The following CDH19 variants were observed in gnomAD, a reference collection of about 807,000 sequenced individuals.
The protein encoded by CDH19 is cadherin 19, also known as cadherin-19.
Under a neutral mutation model 64.2 loss-of-function variants are expected in CDH19, and 67 were observed. The observed-to-expected ratio is 1.04, with a 90% CI of 0.86 to 1.28. The LOEUF is 1.28. Ranked by LOEUF, CDH19 falls within the 50% of genes most tolerant of loss-of-function variation. The probability of loss-of-function intolerance (pLI) is 0.00; values close to 1 mark genes in which losing one functional copy is unlikely to be tolerated. For synonymous variants in CDH19, 346 were observed against 319.3 expected, an observed-to-expected ratio of 1.08 and a Z score of -0.89; for missense variants, 1,030 against 929.0, an observed-to-expected ratio of 1.11 and a Z score of -1.41.
At chr18:66,527,711 G>A (rs1367689540) in intron 9 of CDH19, among the ~76,000 whole-genome samples, 1 of 151,820 alleles carries the variant, frequency 6.6e-6, no homozygotes, top group African/African-American at 2.4e-5. Flanking sequence ...CCAAGATCAC[G>A]CCACTTCACT....
chr18:66,551,475 C>T (rs1486442827), intron 4 of CDH19, among the ~76,000 whole-genome samples: 3 of 151,584 alleles, frequency 2.0e-5, no homozygotes, highest in Admixed American at 6.6e-5. Context: ...ACTGGTAGGC[C>T]CTTAATAAAA....
chr18:66,526,983 A>C (rs1986244554), intron 9 of CDH19, among the ~76,000 whole-genome samples: 1 of 151,792 alleles, frequency 6.6e-6, no homozygotes, highest in South Asian at 2.1e-4. Context: ...AGATAATTTC[A>C]AAATCAGGGA....
chr18:66,506,504 G>A (rs749890108), intron 11 of CDH19, among the ~76,000 whole-genome samples: 57 of 152,036 alleles, frequency 3.7e-4, no homozygotes, highest in Non-Finnish European at 7.2e-4. Flanking sequence ...TTCAGAGCCT[G>A]TTTTCTGTGA....
At chr18:66,529,807 A>G in intron 9 of CDH19, 38 bp downstream of exon 9, 1 of 1,335,538 alleles carries the variant, frequency 7.5e-7, no homozygotes, top group Non-Finnish European at 1.0e-6. Flanking sequence ...AAACAATGAT[A>G]TATTGTTTAG....
In CDH19 at chr18:66,543,978, G is replaced by C; in HGVS notation, c.1207C>G (p.Pro403Ala). 1 of 1,610,976 alleles carries C rather than the reference G, an allele frequency of 6.2e-7. No homozygotes were observed. The highest frequency in any genetic ancestry group is 8.5e-7 in the Non-Finnish European group (1 of 1,178,054). ...CTGACCTTACAGACATACCTGATAG[G>C]AGATTTCCTATTGTCTGGGTCTGTG... ...SATDPDNRKSPIRYSITRSKV... is the reference protein window; with the variant it reads ...SATDPDNRKSAIRYSITRSKV... Residue 403 changes from proline (P) to alanine (A), a missense_variant, in exon 7 of 12, where the codon CCT (proline) becomes GCT (alanine). Physicochemically the swap from Pro to Ala is conservative, Grantham distance 27. Coordinates refer to ENST00000262150, the MANE Select transcript of CDH19 (RefSeq NM_021153.4).
Position 66,572,258 on chromosome 18 carries a change from C to G in CDH19, c.-54G>C. ...ACTCTTCAGAGGAAACAGGACGTCA[C>G]TAACAAAAATCTTGCTTTCTTTTAT... is the stretch of plus-strand genomic sequence containing the variant. On this transcript the variant is annotated 5_prime_UTR_variant, in exon 2 of 12. Transcript: ENST00000262150. 7.1e-7 allele frequency: 1 copy of G among 1,405,090 alleles called. No homozygotes were observed. Among genetic ancestry groups the G allele is most frequent in the East Asian group, 2.3e-5 (1 of 43,162 alleles). The allele number at this position is 1,405,090 out of a possible 1,614,324, so 87.0% of individuals were successfully genotyped here.
rs533652186 is a variant in CDH19 at position 66,505,060 on chromosome 18, C to T, written c.2071G>A (p.Asp691Asn). ...LYRQSLQVGPDSAIFRKFILE... is the reference protein window; with the variant it reads ...LYRQSLQVGPNSAIFRKFILE... ...ATGAATTTCCTGAATATGGCACTGTCGGGGCCAACTTGCAAAGACTGCCTG... is the reference window on the plus strand; with the variant it reads ...ATGAATTTCCTGAATATGGCACTGTTGGGGCCAACTTGCAAAGACTGCCTG... The change falls in exon 12 of 12, where the codon GAC (aspartate) becomes AAC (asparagine). Residue 691 changes from aspartate (D) to asparagine (N), a missense_variant. By Grantham distance (23) the Asp-to-Asn change is conservative. Transcript: ENST00000262150. 5.6e-6 allele frequency: 9 copies of T among 1,613,682 alleles called. No individual in the cohort carries two copies. Among genetic ancestry groups the T allele is most frequent in the South Asian group, 2.2e-5 (2 of 91,070 alleles).
At chr18:66,523,121 A>C (rs1986065472) in intron 9 of CDH19, among the ~76,000 whole-genome samples, 1 of 152,174 alleles carries the variant, frequency 6.6e-6, no homozygotes, top group Non-Finnish European at 1.5e-5. Context: ...TGACAATTCC[A>C]TCTGTATTTT....
At position 66,504,162 on chromosome 18, in the gene CDH19, G is replaced by A. The variant is rs1985064810; in HGVS notation, c.*650C>T. Reference sequence around the variant, plus strand: ...CATATGCCAGAGCTGGTTTTATAAGGCTTTTATTCATACAAAAGTTCTGTG... The same window carrying A: ...CATATGCCAGAGCTGGTTTTATAAGACTTTTATTCATACAAAAGTTCTGTG... On this transcript the variant is annotated 3_prime_UTR_variant, in exon 12 of 12. Transcript: ENST00000262150. 1 of 151,640 alleles carries A rather than the reference G, an allele frequency of 6.6e-6. No homozygotes were observed. Among genetic ancestry groups the A allele is most frequent in the Non-Finnish European group, 1.5e-5 (1 of 67,866 alleles). 9.4% of individuals were successfully genotyped at this position (151,640 alleles called of 1,614,324 possible). A position where few individuals can be genotyped will look rare whatever the true frequency, so the allele number is the denominator to read the frequency against.
chr18:66,576,948 C>T (rs1399578876), intron 1 of CDH19, among the ~76,000 whole-genome samples: 1 of 151,280 alleles, frequency 6.6e-6, no homozygotes, highest in African/African-American at 2.4e-5. Context: ...AAAATTTATA[C>T]AACAGTACAT....
intron 11 of CDH19, among the ~76,000 whole-genome samples, chr18:66,508,553 A>G (rs929578030): frequency 1.3e-5 from 2 of 151,886 alleles, no homozygotes; most frequent in African/African-American, 4.8e-5. Flanking sequence ...CTTCATCTGG[A>G]AAATGTAGGT....
Position 66,504,505 on chromosome 18 carries a change from A to C in CDH19, c.*307T>G. On this transcript the variant is annotated 3_prime_UTR_variant, in exon 12 of 12. Transcript: ENST00000262150. ...CTCTTTCCTAAGTAAATAATGATATAATCGCATAAGGATCGACTACATCTT... is the reference window on the plus strand; with the variant it reads ...CTCTTTCCTAAGTAAATAATGATATCATCGCATAAGGATCGACTACATCTT... 1 of 236,746 alleles carries C rather than the reference A, an allele frequency of 4.2e-6. No individual in the cohort carries two copies. Among genetic ancestry groups the C allele is most frequent in the East Asian group, 8.3e-5 (1 of 12,094 alleles). 14.7% of individuals were successfully genotyped at this position (236,746 alleles called of 1,614,324 possible). A position where few individuals can be genotyped will look rare whatever the true frequency, so the allele number is the denominator to read the frequency against.
chr18:66,516,291 T>C (rs1985732938), intron 9 of CDH19, among the ~76,000 whole-genome samples: 1 of 151,930 alleles, frequency 6.6e-6, no homozygotes, highest in South Asian at 2.1e-4. Flanking sequence ...AGTCTGGAAA[T>C]AGAGAATCTA....
At chr18:66,588,183 C>T (rs9949882) in intron 1 of CDH19, among the ~76,000 whole-genome samples, 87,118 of 151,762 alleles carry the variant, frequency 0.57, 24,960 homozygotes, top group Admixed American at 0.6. Flanking sequence ...ATCTACAAGG[C>T]CCCAGTCTGA....
In CDH19 at chr18:66,504,690, A is replaced by G. The variant is rs1287342588; in HGVS notation, c.*122T>C. 1.0e-6 allele frequency: 1 copy of G among 971,872 alleles called. No homozygotes were observed. The highest frequency in any genetic ancestry group is 1.5e-6 in the Non-Finnish European group (1 of 673,214). The allele number at this position is 971,872 out of a possible 1,614,324, so 60.2% of individuals were successfully genotyped here. On this transcript the variant is annotated 3_prime_UTR_variant, in exon 12 of 12. Transcript: ENST00000262150. ...AACCATGGAGTATTTACTCCAGGGA[A>G]ATCAGAAAACTCCATAGACTAGGGC...
intron 5 of CDH19, among the ~76,000 whole-genome samples, chr18:66,547,502 T>C (rs999879636): frequency 1.3e-5 from 2 of 152,020 alleles, no homozygotes; most frequent in Non-Finnish European, 2.9e-5. Flanking sequence ...CTAATTCTTC[T>C]AATTCTTCAA....
At chr18:66,546,638 T>C (rs1987128368) in intron 5 of CDH19, among the ~76,000 whole-genome samples, 1 of 152,126 alleles carries the variant, frequency 6.6e-6, no homozygotes, top group Non-Finnish European at 1.5e-5. Context: ...GCTCATATTC[T>C]TGATGATAAA....
chr18:66,584,394 G>A (rs938526694), intron 1 of CDH19, among the ~76,000 whole-genome samples: 3 of 152,062 alleles, frequency 2.0e-5, no homozygotes, highest in Non-Finnish European at 4.4e-5. Flanking sequence ...GTCGGTGAGA[G>A]TATAAATTAG....
At chr18:66,530,583 G>A (rs73537776) in intron 8 of CDH19, among the ~76,000 whole-genome samples, 2,549 of 152,010 alleles carry the variant, frequency 0.017, 63 homozygotes, top group African/African-American at 0.057. Context: ...TTTTCTAAGT[G>A]AGCCAAGAAA....
Sources: allele counts gnomAD v4.1 joint callset (sites outside exome capture counted in the v4.1 genomes callset), GRCh38; gene constraint gnomAD v4.1.1; transcripts MANE v1.5; gene names NCBI Gene and HGNC (gene_info 2026-07-23, HGNC 2026-07-21).